Variants in CADM2 observed in about 807,000 individuals in gnomAD.
The protein encoded by CADM2 is cell adhesion molecule 2.
CADM2 carries 12 observed loss-of-function variants against 49.8 expected under a neutral mutation model. The observed-to-expected ratio is 0.24, with a 90% CI of 0.15 to 0.39. CADM2 has a LOEUF of 0.39. Ranked by LOEUF, CADM2 falls within the 10% of genes least tolerant of loss-of-function variation. CADM2 has a pLI of 1.00. For missense variants in CADM2, 378 were observed against 492.3 expected (o/e 0.77, Z 2.20); for synonymous variants, 214 against 175.4 (o/e 1.22, Z -1.74).
intron 1 of CADM2, among the ~76,000 whole-genome samples, chr3:85,414,804 C>T (rs60114909): frequency 6.7e-4 from 102 of 152,190 alleles, no homozygotes; most frequent in African/African-American, 2.5e-3. Flanking sequence ...CTGAAACTTC[C>T]CTCTTTCTGC....
At chr3:85,952,396 G>C (rs532767751) in intron 7 of CADM2, among the ~76,000 whole-genome samples, 2 of 150,764 alleles carry the variant, frequency 1.3e-5, no homozygotes, top group Non-Finnish European at 3.0e-5. Flanking sequence ...TGGAAACATG[G>C]TTGGCACCTG....
At chr3:85,846,569 T>C (rs2074889896) in intron 3 of CADM2, among the ~76,000 whole-genome samples, 1 of 152,170 alleles carries the variant, frequency 6.6e-6, no homozygotes, top group Non-Finnish European at 1.5e-5. Flanking sequence ...AAAATTAAAA[T>C]ATATTTCAAG....
chr3:85,750,259 T>G (rs1302886392), intron 2 of CADM2, among the ~76,000 whole-genome samples: 2 of 152,050 alleles, frequency 1.3e-5, no homozygotes, highest in Non-Finnish European at 2.9e-5. Context: ...TGAATGAGTT[T>G]ATTTTGACAT....
In CADM2 at chr3:85,046,100, C is replaced by T. The variant is rs116181739; in HGVS notation, c.61+86432C>T. ...AACTTGCAAACAATGTGTACAAATC[C>T]CATTCCTGAGAGGTCTAATTATTTT... On this transcript the variant is annotated intron_variant, in intron 1 of 9. Coordinates refer to ENST00000383699, the MANE Select transcript of CADM2 (RefSeq NM_001167675.2). Among the ~76,000 whole-genome samples, 288 of 152,072 alleles carry T rather than the reference C, an allele frequency of 1.9e-3. 2 individuals are homozygous for T. The highest frequency in any genetic ancestry group is 6.7e-3 in the African/African-American group (277 of 41,520).
chr3:85,652,629 G>T (rs1577020685), intron 1 of CADM2, among the ~76,000 whole-genome samples: 1 of 152,106 alleles, frequency 6.6e-6, no homozygotes, highest in Non-Finnish European at 1.5e-5. Flanking sequence ...ATAGCAAAGA[G>T]ATTAGAGTCT....
At chr3:85,017,230 G>GA (rs2034291225) in intron 1 of CADM2, among the ~76,000 whole-genome samples, 1 of 152,180 alleles carries the variant, frequency 6.6e-6, no homozygotes. Context: ...TAAGTGGATG[G>GA]AATTCCTATA....
intron 1 of CADM2, among the ~76,000 whole-genome samples, chr3:85,462,100 C>G (rs2038273799): frequency 6.6e-6 from 1 of 152,094 alleles, no homozygotes. Flanking sequence ...TCCCTTTGTT[C>G]TAATTCTGTT....
chr3:85,339,541 C>T (rs1000328539), intron 1 of CADM2, among the ~76,000 whole-genome samples: 7 of 148,842 alleles, frequency 4.7e-5, no homozygotes, highest in African/African-American at 1.8e-4. Context: ...TTTTTTTTCT[C>T]CTTTTTTTTC....
intron 8 of CADM2, among the ~76,000 whole-genome samples, chr3:86,059,334 G>T (rs914515251): frequency 2.0e-5 from 3 of 152,044 alleles, no homozygotes; most frequent in Admixed American, 6.6e-5. Flanking sequence ...CTATAAATTA[G>T]TGTTATTTTT....
At chr3:85,411,627 G>A (rs769427375) in intron 1 of CADM2, among the ~76,000 whole-genome samples, 7 of 152,108 alleles carry the variant, frequency 4.6e-5, no homozygotes, top group Admixed American at 6.5e-5. Context: ...TAAATGACTA[G>A]GAACTGGTTT....
At chr3:85,754,729 T>G (rs2107874622) in intron 2 of CADM2, among the ~76,000 whole-genome samples, 1 of 152,320 alleles carries the variant, frequency 6.6e-6, no homozygotes, top group South Asian at 2.1e-4. Context: ...AAGCCATTAC[T>G]GATTATTTCA....
intron 1 of CADM2, among the ~76,000 whole-genome samples, chr3:85,400,351 C>G (rs1308067944): frequency 1.3e-5 from 2 of 152,142 alleles, no homozygotes; most frequent in African/African-American, 4.8e-5. Flanking sequence ...TTTTGTTTGC[C>G]AGTATTTTAC....
intron 5 of CADM2, among the ~76,000 whole-genome samples, chr3:85,890,521 TA>T (rs1714279809): frequency 6.6e-6 from 1 of 152,110 alleles, no homozygotes. Flanking sequence ...GTTTTAGGGC[TA>T]GTTTATAGGG....
intron 2 of CADM2, among the ~76,000 whole-genome samples, chr3:85,742,456 T>C (rs1324327717): frequency 6.6e-6 from 1 of 152,182 alleles, no homozygotes. Flanking sequence ...TATCCGCAAG[T>C]ACATGATGGA....
chr3:85,498,999 T>C (rs1471438618), intron 1 of CADM2, among the ~76,000 whole-genome samples: 2 of 152,180 alleles, frequency 1.3e-5, no homozygotes, highest in Non-Finnish European at 2.9e-5. Flanking sequence ...TTTTCATGTA[T>C]ATTATATTCA....
At chr3:85,187,993 C>A (rs1190955053) in intron 1 of CADM2, among the ~76,000 whole-genome samples, 3 of 151,746 alleles carry the variant, frequency 2.0e-5, no homozygotes, top group East Asian at 3.9e-4. Context: ...TAGATTCTCA[C>A]AATTAACAAT....
At chr3:86,056,922 T>C (rs1478593635) in intron 8 of CADM2, among the ~76,000 whole-genome samples, 1 of 152,166 alleles carries the variant, frequency 6.6e-6, no homozygotes, top group Non-Finnish European at 1.5e-5. Flanking sequence ...AAAGATTAAG[T>C]TTTGTGTTTG....
intron 1 of CADM2, among the ~76,000 whole-genome samples, chr3:85,587,640 A>G (rs1357604282): frequency 1.3e-5 from 2 of 152,104 alleles, no homozygotes; most frequent in South Asian, 2.1e-4. Flanking sequence ...TGTTTCATGA[A>G]TAAGTTCATA....
chr3:84,999,438 A>T (rs774639911), intron 1 of CADM2, among the ~76,000 whole-genome samples: 12 of 152,154 alleles, frequency 7.9e-5, no homozygotes, highest in African/African-American at 1.2e-4. Context: ...TCTAACACAG[A>T]TATTTTCTCT....
Sources: allele counts gnomAD v4.1 joint callset (sites outside exome capture counted in the v4.1 genomes callset), GRCh38; gene constraint gnomAD v4.1.1; transcripts MANE v1.5; gene names NCBI Gene and HGNC (gene_info 2026-07-23, HGNC 2026-07-21).